NSUN4: variants seen among roughly 807,000 people sequenced by gnomAD.
The protein encoded by NSUN4 is NOP2/Sun RNA methyltransferase 4, also known as 5-cytosine rRNA methyltransferase NSUN4.
Under a neutral mutation model 43.8 loss-of-function variants are expected in NSUN4, and 31 were observed. The observed-to-expected ratio is 0.71, with a 90% CI of 0.53 to 0.96. NSUN4 has a LOEUF of 0.96. Among genes scored for constraint, NSUN4 ranks in the 40% least tolerant of loss-of-function variants. NSUN4 has a pLI of 0.00. For missense variants in NSUN4, 439 were observed against 475.6 expected (o/e 0.92, Z 0.72); for synonymous variants, 167 against 184.1 (o/e 0.91, Z 0.75).
chr1:46,376,980 A>G, the NSUN4 span, among the ~76,000 whole-genome samples: 4 of 149,680 alleles, frequency 2.7e-5, no homozygotes, highest in South Asian at 6.3e-4. Flanking sequence ...CTGATCTCAA[A>G]CTCCTGATCT....
downstream of NSUN4, among the ~76,000 whole-genome samples, chr1:46,366,440 A>G (rs1208966981): frequency 1.3e-5 from 2 of 152,186 alleles, no homozygotes; most frequent in Non-Finnish European, 2.9e-5. Context: ...AAAGCAGCTA[A>G]GTTAATAAAA....
At chr1:46,347,137 C>A in intron 3 of NSUN4, 62 bp downstream of exon 3, 1 of 1,541,908 alleles carries the variant, frequency 6.5e-7, no homozygotes, top group Non-Finnish European at 8.8e-7. Flanking sequence ...GTCCCAGGTA[C>A]ATTTAATATG....
At chr1:46,361,515 T>C in intron 5 of NSUN4, 55 bp from the exon 6 acceptor site, 2 of 1,536,030 alleles carry the variant, frequency 1.3e-6, no homozygotes, top group Admixed American at 3.5e-5. Flanking sequence ...CTTATGTTGC[T>C]CTTCTACTGC....
At chr1:46,358,527 G>A (rs1307268648) in intron 4 of NSUN4, among the ~76,000 whole-genome samples, 2 of 149,838 alleles carry the variant, frequency 1.3e-5, no homozygotes, top group Non-Finnish European at 3.0e-5. Flanking sequence ...TCAGCCTCCC[G>A]AGTAGCTGGG....
chr1:46,350,068 C>T (rs935004811), intron 3 of NSUN4, among the ~76,000 whole-genome samples: 1 of 152,184 alleles, frequency 6.6e-6, no homozygotes, highest in Non-Finnish European at 1.5e-5. Flanking sequence ...GTCTAGCCCT[C>T]ATATTTTATG....
At chr1:46,345,871 C>T (rs75861809) in intron 2 of NSUN4, among the ~76,000 whole-genome samples, 5,574 of 152,112 alleles carry the variant, frequency 0.037, 433 homozygotes, top group East Asian at 0.31. Flanking sequence ...AAATATTGGC[C>T]GGGTGTGGTG....
In NSUN4 at chr1:46,362,019, A is replaced by G. The variant is rs1183277753; in HGVS notation, c.*173A>G. Reference sequence around the variant, plus strand: ...AGAAGATTTGCTGTCCTGCTGTCCAATTGTGGAGCATCAGCAGGTTTCCAA... The same window carrying G: ...AGAAGATTTGCTGTCCTGCTGTCCAGTTGTGGAGCATCAGCAGGTTTCCAA... On this transcript the variant is annotated 3_prime_UTR_variant, in exon 6 of 6. Transcript: ENST00000474844. 1.6e-6 allele frequency: 1 copy of G among 639,492 alleles called. No homozygotes were observed. The highest frequency in any genetic ancestry group is 2.7e-6 in the Non-Finnish European group (1 of 372,526). The allele number at this position is 639,492 out of a possible 1,614,324, so 39.6% of individuals were successfully genotyped here.
At chr1:46,371,872 T>C in the NSUN4 span, among the ~76,000 whole-genome samples, 11 of 152,078 alleles carry the variant, frequency 7.2e-5, no homozygotes, top group Non-Finnish European at 1.5e-4. Context: ...TCATGTGAAC[T>C]CAGAGAGCAA....
intron 1 of NSUN4, chr1:46,342,658 C>T (rs1374469673): frequency 5.0e-6 from 2 of 399,328 alleles, no homozygotes; most frequent in Non-Finnish European, 8.8e-6. Context: ...CTTTCCTTCC[C>T]TTCACCCCTG....
downstream of NSUN4, among the ~76,000 whole-genome samples, chr1:46,369,656 A>AG (rs899962366): frequency 1.6e-4 from 25 of 152,150 alleles, no homozygotes; most frequent in Non-Finnish European, 3.4e-4. Context: ...GCCCTAGCAG[A>AG]GGGAACAGTT....
chr1:46,343,458 T>C, intron 1 of NSUN4: 1 of 399,546 alleles, frequency 2.5e-6, no homozygotes, highest in Non-Finnish European at 4.4e-6. Context: ...TTTGCCTTCA[T>C]CCAAGGATTC....
the NSUN4 span, among the ~76,000 whole-genome samples, chr1:46,375,736 C>CAAAA: frequency 3.9e-4 from 27 of 69,896 alleles, no homozygotes; most frequent in African/African-American, 1.2e-3. Context: ...GACTCTGTCT[C>CAAAA]AAAAAAAAAA....
chr1:46,345,259 A>G, intron 2 of NSUN4, 115 bp downstream of exon 2: 1 of 752,248 alleles, frequency 1.3e-6, no homozygotes, highest in Non-Finnish European at 2.1e-6. Flanking sequence ...TATTTATGGC[A>G]TGTTTATACA....
chr1:46,366,181 G>A (rs114888487), downstream of NSUN4, among the ~76,000 whole-genome samples: 418 of 152,210 alleles, frequency 2.7e-3, 3 homozygotes, highest in African/African-American at 7.3e-3. Flanking sequence ...TTGATACCTC[G>A]TTGTGGTCCT....
At chr1:46,341,032 C>A in intron 1 of NSUN4, 113 bp downstream of exon 1, 1 of 1,128,618 alleles carries the variant, frequency 8.9e-7, no homozygotes, top group Non-Finnish European at 1.2e-6. Flanking sequence ...CTCCACGGAA[C>A]GTCCTTAGGC....
chr1:46,366,727 A>AAAAAAAAAAAAAAAG (rs1553178523), downstream of NSUN4, among the ~76,000 whole-genome samples: 44 of 127,972 alleles, frequency 3.4e-4, no homozygotes, highest in Non-Finnish European at 5.5e-4. Context: ...AAAAAAAAAA[A>AAAAAAAAAAAAAAAG]AAGTGGGTAG....
Position 46,362,717 on chromosome 1 carries a change from T to G in NSUN4, c.*871T>G, listed in dbSNP as rs997039681. On this transcript the variant is annotated 3_prime_UTR_variant, in exon 6 of 6. Transcript: ENST00000474844. ...CTGAACACCTAGGAATTTCCTGATG[T>G]TTTGTTTTGTTGGATTCCAGACTTT... The G allele has an allele frequency of 1.3e-5, 2 of 152,200 alleles. No individual in the cohort carries two copies. The highest frequency in any genetic ancestry group is 4.8e-5 in the African/African-American group (2 of 41,450). The allele number at this position is 152,200 out of a possible 1,614,324, so 9.4% of individuals were successfully genotyped here.
In NSUN4 at chr1:46,345,702, GAGA is replaced by G. The variant is rs1252267854; in HGVS notation, c.437+561_437+563del. On this transcript the variant is annotated intron_variant, in intron 2 of 5. Transcript: ENST00000474844. ...TGGTATTAGACTGGGAAAAAGAAAG[GAGA>G]AGTTCAGTTTCTTGATTCAATCCTC... Among the ~76,000 whole-genome samples the G allele has an allele frequency of 8.7e-5, 13 of 149,970 alleles. No homozygotes were observed. In the East Asian group the frequency reaches 2.5e-3, roughly 29 times the overall value.
chr1:46,368,640 T>C (rs754176446), downstream of NSUN4, among the ~76,000 whole-genome samples: 1 of 152,130 alleles, frequency 6.6e-6, no homozygotes, highest in Non-Finnish European at 1.5e-5. Flanking sequence ...AATAAAGTAG[T>C]GGTTGTTTTA....
Sources: gnomAD v4.1 joint callset for allele counts (sites outside exome capture counted in the v4.1 genomes callset) on GRCh38, gnomAD v4.1.1 for gene constraint, MANE v1.5 for transcripts, NCBI Gene and HGNC (gene_info 2026-07-23, HGNC 2026-07-21) for gene names.